Variants in PCAT6 observed in about 807,000 individuals in gnomAD.
PCAT6 encodes the protein prostate cancer associated transcript 6, also known as KDM5B antisense RNA 1 (head to head).
At chr1:202,811,504 G>T (rs1658550400) in exon 1 of PCAT6, 2 of 397,626 alleles carry the variant, frequency 5.0e-6, no homozygotes, top group Non-Finnish European at 8.9e-6. Flanking sequence ...GCTCCCCAGC[G>T]GCCGGCGCAG....
exon 1 of PCAT6, chr1:202,811,772 C>A (rs1318341010): frequency 1.4e-5 from 3 of 208,210 alleles, no homozygotes; most frequent in Admixed American, 1.2e-4. Context: ...TCTCTCCTCA[C>A]CATCTCTCGG....
chr1:202,811,316 C>T (rs371295465), exon 1 of PCAT6: 9 of 398,928 alleles, frequency 2.3e-5, no homozygotes, highest in South Asian at 1.3e-4. Context: ...AGATCTGCAG[C>T]CTTCGCCCCT....
chr1:202,811,763 CT>C (rs1658557224), exon 1 of PCAT6: 1 of 218,988 alleles, frequency 4.6e-6, no homozygotes, highest in Non-Finnish European at 8.9e-6. Context: ...ATGCCATCAT[CT>C]CTCCTCACCA....
chr1:202,811,252 C>G lies in PCAT6; in HGVS notation n.370C>G, dbSNP rs2275894. On this transcript the variant is annotated non_coding_transcript_exon_variant, in exon 1 of 1. Transcript: ENST00000686658. Reference sequence around the variant, plus strand: ...TGTCTCCATCCTCATTCGGTCCATCCAACTCCCAGACCTCACGTCAACCGG... The same window carrying G: ...TGTCTCCATCCTCATTCGGTCCATCGAACTCCCAGACCTCACGTCAACCGG... 587 of 399,216 alleles carry G rather than the reference C, an allele frequency of 1.5e-3. 12 individuals carry two copies. The East Asian group carries it at 0.019, about 13-fold the overall frequency. The allele number at this position is 399,216 out of a possible 1,614,324, so 24.7% of individuals were successfully genotyped here.
exon 1 of PCAT6, chr1:202,811,797 T>C (rs1658557862): frequency 5.4e-6 from 1 of 184,468 alleles, no homozygotes; most frequent in Admixed American, 6.2e-5. Flanking sequence ...CTGGAATGTT[T>C]GCTGTCAGAT....
exon 1 of PCAT6, chr1:202,811,541 C>G (rs1220549168): frequency 5.0e-6 from 2 of 396,300 alleles, no homozygotes; most frequent in Non-Finnish European, 8.9e-6. Flanking sequence ...AGGGTCCGCT[C>G]CCCACCCCCT....
exon 1 of PCAT6, chr1:202,810,960 CGGACCT>C (rs1658534888): frequency 4.9e-6 from 1 of 202,492 alleles, no homozygotes; most frequent in Middle Eastern, 1.7e-3. Context: ...CCCCAGAGGC[CGGACCT>C]GGGCAACCCC....
exon 1 of PCAT6, chr1:202,811,729 A>G (rs1201151752): frequency 7.7e-6 from 2 of 260,732 alleles, no homozygotes; most frequent in Non-Finnish European, 7.1e-6. Context: ...TGCGCAGTCC[A>G]TCTCAGCTCA....
In PCAT6 at chr1:202,811,100, G is replaced by T. The variant is rs1021212719; in HGVS notation, n.218G>T. ...GGCGGCCGGAGCGGAACCCAGCCCCGCTCCGAGTGCCACGTCTCCAGGAAC... is the reference window on the plus strand; with the variant it reads ...GGCGGCCGGAGCGGAACCCAGCCCCTCTCCGAGTGCCACGTCTCCAGGAAC... On this transcript the variant is annotated non_coding_transcript_exon_variant, in exon 1 of 1. Coordinates refer to ENST00000686658, the Ensembl canonical transcript of PCAT6. 1.3e-5 allele frequency: 5 copies of T among 383,502 alleles called. No individual in the cohort carries two copies. The Admixed American group carries it at 1.8e-4, about 14-fold the overall frequency. 23.8% of individuals were successfully genotyped at this position (383,502 alleles called of 1,614,324 possible). A position where few individuals can be genotyped will look rare whatever the true frequency, so the allele number is the denominator to read the frequency against.
exon 1 of PCAT6, chr1:202,811,498 C>T (rs1658550367): frequency 5.0e-6 from 2 of 397,912 alleles, no homozygotes; most frequent in Non-Finnish European, 8.9e-6. Flanking sequence ...GACCGGGCTC[C>T]CCAGCGGCCG....
At chr1:202,811,355 C>T (rs1263128425) in exon 1 of PCAT6, 1 of 398,610 alleles carries the variant, frequency 2.5e-6, no homozygotes, top group Non-Finnish European at 4.4e-6. Context: ...ATGAGGCGCT[C>T]CTCGCGTTCC....
exon 1 of PCAT6, chr1:202,811,506 C>T (rs1658550429): frequency 5.0e-6 from 2 of 397,528 alleles, no homozygotes; most frequent in Admixed American, 4.4e-5. Flanking sequence ...TCCCCAGCGG[C>T]CGGCGCAGCA....
chr1:202,811,108 T>C, exon 1 of PCAT6: 1 of 387,374 alleles, frequency 2.6e-6, no homozygotes, highest in Non-Finnish European at 4.6e-6. Context: ...CCGCTCCGAG[T>C]GCCACGTCTC....
exon 1 of PCAT6, chr1:202,811,686 C>T (rs769647935): frequency 3.0e-6 from 1 of 331,920 alleles, no homozygotes; most frequent in Non-Finnish European, 5.4e-6. Context: ...TCGTCTCCCC[C>T]AGTCTCCAGT....
exon 1 of PCAT6, chr1:202,811,175 C>T: frequency 2.5e-6 from 1 of 396,424 alleles, no homozygotes; most frequent in Non-Finnish European, 4.4e-6. Context: ...GCCTCCGTCC[C>T]CCAAACCGCC....
exon 1 of PCAT6, chr1:202,811,662 C>G (rs997460463): frequency 2.8e-6 from 1 of 360,180 alleles, no homozygotes; most frequent in Non-Finnish European, 4.9e-6. Context: ...CCCCTCCCAA[C>G]CCGGTGGATC....
chr1:202,811,616 G>C, exon 1 of PCAT6: 2 of 388,230 alleles, frequency 5.2e-6, no homozygotes, highest in Non-Finnish European at 9.1e-6. Context: ...CCTGGCCTCC[G>C]GTCTCTGCCT....
chr1:202,811,572 C>G, exon 1 of PCAT6: 2 of 394,646 alleles, frequency 5.1e-6, no homozygotes, highest in Non-Finnish European at 8.9e-6. Context: ...GACAACTTTT[C>G]AGGGCTCCAG....
chr1:202,811,567 C>T (rs1306287503), exon 1 of PCAT6: 1 of 393,532 alleles, frequency 2.5e-6, no homozygotes, highest in African/African-American at 2.1e-5. Flanking sequence ...CCTCTGACAA[C>T]TTTTCAGGGC....
Sources: allele counts gnomAD v4.1 joint callset, GRCh38; gene constraint gnomAD v4.1.1; transcripts MANE v1.5; gene names NCBI Gene and HGNC (gene_info 2026-07-23, HGNC 2026-07-21).